Variants in FAM149B1 observed in about 807,000 individuals in gnomAD.
FAM149B1 encodes the protein primary cilium assembly protein FAM149B1.
FAM149B1 carries 56 observed loss-of-function variants against 75.3 expected under a neutral mutation model. The observed-to-expected ratio is 0.74, with a 90% CI of 0.60 to 0.93. The LOEUF is 0.93. Ranked by LOEUF, FAM149B1 falls within the 40% of genes least tolerant of loss-of-function variation. The pLI is 0.00. For missense variants in FAM149B1, 639 were observed against 708.4 expected, an observed-to-expected ratio of 0.90 and a Z score of 1.11; for synonymous variants, 259 against 256.1, an observed-to-expected ratio of 1.01 and a Z score of -0.11.
At chr10:73,230,344 TAAC>T in intron 8 of FAM149B1, 75 bp from the exon 9 acceptor site, 1 of 772,778 alleles carries the variant, frequency 1.3e-6, no homozygotes, top group East Asian at 2.7e-5. Context: ...TTGGAAATAT[TAAC>T]TTTTGGCAAA....
At chr10:73,215,293 G>A (rs1296226233) in intron 7 of FAM149B1, among the ~76,000 whole-genome samples, 1 of 152,138 alleles carries the variant, frequency 6.6e-6, no homozygotes, top group Non-Finnish European at 1.5e-5. Flanking sequence ...CCAAAGTACT[G>A]AGATGACAGG....
At chr10:73,232,620 G>C (rs2043731820) in intron 9 of FAM149B1, among the ~76,000 whole-genome samples, 1 of 152,222 alleles carries the variant, frequency 6.6e-6, no homozygotes, top group Admixed American at 6.5e-5. Flanking sequence ...GCACTTTGGA[G>C]TAGGTGTCCT....
intron 7 of FAM149B1, among the ~76,000 whole-genome samples, chr10:73,211,780 TTTTTTA>T (rs1224704016): frequency 3.9e-5 from 6 of 152,312 alleles, no homozygotes; most frequent in Middle Eastern, 3.4e-3. Flanking sequence ...TTTCATTTTA[TTTTTTA>T]TTTTTATGTA....
intron 8 of FAM149B1, among the ~76,000 whole-genome samples, chr10:73,230,040 GAA>G (rs2043647640): frequency 6.6e-6 from 1 of 152,214 alleles, no homozygotes; most frequent in Non-Finnish European, 1.5e-5. Flanking sequence ...GTGTGATGAT[GAA>G]AGAGATTAAG....
At chr10:73,209,980 T>C (rs2043152307) in intron 6 of FAM149B1, among the ~76,000 whole-genome samples, 1 of 152,162 alleles carries the variant, frequency 6.6e-6, no homozygotes, top group African/African-American at 2.4e-5. Context: ...GCCAGCTAAA[T>C]ATAAGCCAGG....
In FAM149B1 at chr10:73,168,293, T is replaced by C; in HGVS notation, c.-47T>C. On this transcript the variant is annotated 5_prime_UTR_variant, in exon 1 of 14. Coordinates refer to ENST00000242505, the MANE Select transcript of FAM149B1 (RefSeq NM_173348.2). The stretch of plus-strand genomic sequence containing the variant: ...CCGGAGGCCCCCACCCTGGCGTGCC[T>C]GCCCCGGCCGCGGCTGAGGAGGAGG... 1 of 1,544,708 alleles carries C rather than the reference T, an allele frequency of 6.5e-7. No homozygotes were observed. Among genetic ancestry groups the C allele is most frequent in the African/African-American group, 1.4e-5 (1 of 72,516 alleles).
chr10:73,214,055 C>T (rs1209327669), intron 7 of FAM149B1, among the ~76,000 whole-genome samples: 2 of 152,072 alleles, frequency 1.3e-5, no homozygotes, highest in African/African-American at 4.8e-5. Flanking sequence ...AAATATAATC[C>T]TGGATAGTTT....
Position 73,244,045 on chromosome 10 carries a change from A to AAATGAATCG in FAM149B1, c.*3030_*3038dup. On this transcript the variant is annotated 3_prime_UTR_variant, in exon 14 of 14. Transcript: ENST00000242505. ...AATTTTATGAATATATGAATAGACA[A>AAATGAATCG]AATGAATCGAATTACATAACTATGT... 3.9e-6 allele frequency: 3 copies of AAATGAATCG among 774,880 alleles called. No homozygotes were observed. In the South Asian group the frequency reaches 5.4e-5, roughly 14 times the overall value. The allele number at this position is 774,880 out of a possible 1,614,324, so 48.0% of individuals were successfully genotyped here. A position where few individuals can be genotyped will look rare whatever the true frequency, so the allele number is the denominator to read the frequency against.
chr10:73,196,954 G>C (rs570454161), intron 5 of FAM149B1, among the ~76,000 whole-genome samples: 107 of 152,326 alleles, frequency 7.0e-4, no homozygotes, highest in African/African-American at 2.4e-3. Flanking sequence ...ACCTAGGACA[G>C]TGCCTGTAAC....
chr10:73,228,041 A>G lies in FAM149B1; in HGVS notation c.899-19A>G. On this transcript the variant is annotated intron_variant, in intron 7 of 13. Transcript: ENST00000242505. ...CCAGAAGATTATCCATGGATAATAT[A>G]TCCTGTTCCTTTGCCCAGATGATGA... The G allele has an allele frequency of 6.4e-7, 1 of 1,550,990 alleles. No individual in the cohort carries two copies. The highest frequency in any genetic ancestry group is 8.7e-7 in the Non-Finnish European group (1 of 1,146,238).
chr10:73,217,161 G>A (rs1196029539), intron 7 of FAM149B1, among the ~76,000 whole-genome samples: 1 of 152,138 alleles, frequency 6.6e-6, no homozygotes, highest in Non-Finnish European at 1.5e-5. Flanking sequence ...TTATTGCTGA[G>A]TAGTATTCCA....
chr10:73,241,100 T>C lies in FAM149B1; in HGVS notation c.*81T>C, dbSNP rs1380911163. ...ATTCAGTCATCAAGTGATGCAGAGC[T>C]TGTATAGAAGATCGACTAGAAATCA... On this transcript the variant is annotated 3_prime_UTR_variant, in exon 14 of 14. Coordinates refer to ENST00000242505, the MANE Select transcript of FAM149B1 (RefSeq NM_173348.2). 5 of 826,886 alleles carry C rather than the reference T, an allele frequency of 6.0e-6. No homozygotes were observed. Among genetic ancestry groups the C allele is most frequent in the African/African-American group, 5.3e-5 (3 of 56,840 alleles). The allele number at this position is 826,886 out of a possible 1,614,324, so 51.2% of individuals were successfully genotyped here. A position where few individuals can be genotyped will look rare whatever the true frequency, so the allele number is the denominator to read the frequency against.
At chr10:73,210,634 G>A (rs376746665) in intron 7 of FAM149B1, among the ~76,000 whole-genome samples, 196 bp downstream of exon 7, 6 of 152,014 alleles carry the variant, frequency 3.9e-5, no homozygotes, top group African/African-American at 1.4e-4. Flanking sequence ...ACCAGCCTGG[G>A]CAATGTAGTG....
intron 1 of FAM149B1, among the ~76,000 whole-genome samples, chr10:73,169,326 A>AAAAT (rs929656006): frequency 1.3e-5 from 2 of 152,004 alleles, no homozygotes; most frequent in Admixed American, 6.6e-5. Flanking sequence ...ACTCCGTCTC[A>AAAAT]AAATAAATAA....
intron 3 of FAM149B1, chr10:73,183,377 T>A (rs2042446441): frequency 6.6e-6 from 1 of 152,206 alleles, no homozygotes. Context: ...TTTATAAGGT[T>A]ATTATATTTG....
intron 10 of FAM149B1, among the ~76,000 whole-genome samples, chr10:73,233,590 T>C (rs548906748): frequency 2.0e-5 from 3 of 152,286 alleles, no homozygotes; most frequent in African/African-American, 7.2e-5. Context: ...GCAATCTGCC[T>C]GCCTCAGTCT....
In FAM149B1 at chr10:73,170,514, A is replaced by G. The variant is rs572840663; in HGVS notation, c.47+2128A>G. 3.0e-4 allele frequency among the ~76,000 whole-genome samples: 40 copies of G among 135,342 alleles called. No individual in the cohort carries two copies. The South Asian group carries it at 8.7e-3, about 29-fold the overall frequency. The allele number at this position is 135,342 out of a possible 152,430, so 88.8% of individuals were successfully genotyped here. A position where few individuals can be genotyped will look rare whatever the true frequency, so the allele number is the denominator to read the frequency against. ...GGAAGACTCTGTCTCAAATAAATAAATAAATAAATAAAAATAAGAATAAAG... is the reference window on the plus strand; with the variant it reads ...GGAAGACTCTGTCTCAAATAAATAAGTAAATAAATAAAAATAAGAATAAAG... On this transcript the variant is annotated intron_variant, in intron 1 of 13. Coordinates refer to ENST00000242505, the MANE Select transcript of FAM149B1 (RefSeq NM_173348.2).
chr10:73,172,433 A>C (rs558453985), intron 1 of FAM149B1, among the ~76,000 whole-genome samples: 2 of 152,346 alleles, frequency 1.3e-5, no homozygotes, highest in Non-Finnish European at 1.5e-5. Flanking sequence ...TTCATCGCTT[A>C]CTAACCAAAT....
intron 5 of FAM149B1, among the ~76,000 whole-genome samples, chr10:73,194,669 T>G (rs2042758417): frequency 6.7e-6 from 1 of 148,154 alleles, no homozygotes; most frequent in Non-Finnish European, 1.5e-5. Flanking sequence ...AGACTTTTTT[T>G]TTTCTTTTTT....
Sources: allele counts gnomAD v4.1 joint callset (sites outside exome capture counted in the v4.1 genomes callset), GRCh38; gene constraint gnomAD v4.1.1; transcripts MANE v1.5; gene names NCBI Gene and HGNC (gene_info 2026-07-23, HGNC 2026-07-21).